Variants in NLRC3 observed in about 807,000 individuals in gnomAD.
NLRC3 encodes NLR family CARD domain containing 3.
NLRC3 carries 87 observed loss-of-function variants against 91.6 expected under a neutral mutation model. The observed-to-expected ratio is 0.95, with a 90% CI of 0.80 to 1.14. The LOEUF is 1.14. Ranked by LOEUF, NLRC3 falls within the 50% of genes most tolerant of loss-of-function variation. The probability of loss-of-function intolerance (pLI) is 0.00; values close to 1 mark genes in which losing one functional copy is unlikely to be tolerated. For synonymous variants in NLRC3, 694 were observed against 625.3 expected (o/e 1.11, Z -1.64); for missense variants, 1,577 against 1,418.6 (o/e 1.11, Z -1.79).
Position 3,548,220 on chromosome 16 carries a change from T to C in NLRC3, c.2688-2A>G, listed in dbSNP as rs1426663944. On this transcript the variant is annotated splice_acceptor_variant, in intron 14 of 19. Coordinates refer to ENST00000359128, the MANE Select transcript of NLRC3 (RefSeq NM_178844.4). LOFTEE classifies it high-confidence loss of function. ...GCCTGGATGAAGTTCCACTGCAGGC[T>C]GGGCAGACACAGACACATGTGACTA... 2 of 1,588,328 alleles carry C rather than the reference T, an allele frequency of 1.3e-6. No individual in the cohort carries two copies. The highest frequency in any genetic ancestry group is 1.7e-6 in the Non-Finnish European group (2 of 1,167,396).
chr16:3,549,595 C>T, intron 12 of NLRC3, 102 bp downstream of exon 12: 1 of 919,014 alleles, frequency 1.1e-6, no homozygotes, highest in Non-Finnish European at 1.7e-6. Context: ...AAGGCTTCCC[C>T]AGCCATAGAT....
At chr16:3,551,785 A>C (rs544598472) in intron 10 of NLRC3, among the ~76,000 whole-genome samples, 1 of 151,086 alleles carries the variant, frequency 6.6e-6, no homozygotes, top group East Asian at 2.0e-4. Flanking sequence ...CCATCCATCC[A>C]TCCACTCATT....
chr16:3,554,220 G>C (rs763288232), intron 9 of NLRC3, 22 bp downstream of exon 9: 20 of 1,559,296 alleles, frequency 1.3e-5, no homozygotes, highest in Non-Finnish European at 1.7e-5. Context: ...AGAAGGGGGA[G>C]AGAGGAGATG....
intron 17 of NLRC3, 97 bp from the exon 18 acceptor site, chr16:3,542,872 C>G (rs888856103): frequency 1.3e-6 from 1 of 759,288 alleles, no homozygotes; most frequent in African/African-American, 1.7e-5. Context: ...GTAGAGGAAA[C>G]AAGGACTTCA....
At position 3,575,214 on chromosome 16, in the gene NLRC3, C is replaced by G. The variant is rs555220287; in HGVS notation, c.-169+1935G>C. Among the ~76,000 whole-genome samples the G allele has an allele frequency of 3.6e-3, 545 of 152,226 alleles. 3 individuals carry two copies. The highest frequency in any genetic ancestry group is 0.012 in the African/African-American group (519 of 41,546). On this transcript the variant is annotated intron_variant, in intron 1 of 19. Coordinates refer to ENST00000359128, the MANE Select transcript of NLRC3 (RefSeq NM_178844.4). Reference sequence around the variant, plus strand: ...GAGGAGGGGGTGCAGGTGAACCAACCCCCCTGCCATTGCCAGCACCTCCCA... The same window carrying G: ...GAGGAGGGGGTGCAGGTGAACCAACGCCCCTGCCATTGCCAGCACCTCCCA...
chr16:3,555,004 T>C (rs948306200), intron 8 of NLRC3, among the ~76,000 whole-genome samples: 2 of 151,832 alleles, frequency 1.3e-5, no homozygotes, highest in Non-Finnish European at 2.9e-5. Context: ...CCGAGGTGGG[T>C]GGATCACTTG....
intron 1 of NLRC3, among the ~76,000 whole-genome samples, chr16:3,571,403 G>A (rs2040091507): frequency 6.6e-6 from 1 of 151,360 alleles, no homozygotes; most frequent in African/African-American, 2.4e-5. Context: ...AAAATAGATG[G>A]GGCTGGTGGT....
In NLRC3 at chr16:3,541,836, C is replaced by T; in HGVS notation, c.3187G>A (p.Val1063Ile). The T allele has an allele frequency of 6.2e-7, 1 of 1,608,698 alleles. No individual in the cohort carries two copies. Among genetic ancestry groups the T allele is most frequent in the Non-Finnish European group, 8.5e-7 (1 of 1,175,548 alleles). The change falls in exon 20 of 20, where the codon GTT becomes ATT. Residue 1063 changes from valine (V) to isoleucine (I), a missense_variant. By Grantham distance (29) the Val-to-Ile change is conservative. Coordinates refer to ENST00000359128, the MANE Select transcript of NLRC3 (RefSeq NM_178844.4). ...AIKTNAPTCT[V>I]EM is the part of the protein sequence containing the mutation. ...TCCGTCCACCAGGATCACATTTCAA[C>T]AGTGCACGTGGGAGCATTTGTCTTG...
intron 5 of NLRC3, 167 bp downstream of exon 5, chr16:3,562,842 C>T: frequency 1.4e-6 from 1 of 731,870 alleles, no homozygotes; most frequent in Non-Finnish European, 2.4e-6. Context: ...TTCTGGCCTC[C>T]AGAACTGCGA....
At chr16:3,560,616 G>T (rs1046458810) in intron 6 of NLRC3, among the ~76,000 whole-genome samples, 1 of 152,134 alleles carries the variant, frequency 6.6e-6, no homozygotes, top group Admixed American at 6.5e-5. Flanking sequence ...GTGAACTTTT[G>T]TCTAATTACA....
Position 3,577,265 on chromosome 16 carries a change from T to C in NLRC3, c.-285A>G. Reference sequence around the variant, plus strand: ...TGCGTGGTGGTAGATGCCCTGGGAATCCCTGTGCCAGCCTGAGTTCTCAGG... The same window carrying C: ...TGCGTGGTGGTAGATGCCCTGGGAACCCCTGTGCCAGCCTGAGTTCTCAGG... On this transcript the variant is annotated 5_prime_UTR_variant, in exon 1 of 20. Transcript: ENST00000359128. The C allele has an allele frequency of 1.4e-6, 1 of 698,902 alleles. No homozygotes were observed. 43.3% of individuals were successfully genotyped at this position (698,902 alleles called of 1,614,324 possible).
At chr16:3,542,128 C>T in intron 19 of NLRC3, 63 bp downstream of exon 19, 3 of 1,229,964 alleles carry the variant, frequency 2.4e-6, no homozygotes, top group Non-Finnish European at 3.5e-6. Flanking sequence ...CAGAACTGGG[C>T]AAAAGGCAGT....
At chr16:3,573,007 A>G (rs1034308891) in intron 1 of NLRC3, among the ~76,000 whole-genome samples, 4 of 126,134 alleles carry the variant, frequency 3.2e-5, no homozygotes, top group African/African-American at 1.2e-4. Context: ...GCAAGACTCT[A>G]TCTCAAAAAA....
Position 3,563,876 on chromosome 16 carries a change from A to C in NLRC3, c.1061T>G (p.Leu354Arg), listed in dbSNP as rs1428964602. ...CTCGCACAGGGTCCTCGGGGGCCAC[A>C]GCTCTGCATCCTGGGGCCCCGTCCT... Reference protein sequence around the residue: ...RSRTGPQDAELWPPRTLCELY... With the variant: ...RSRTGPQDAERWPPRTLCELY... The change falls in exon 5 of 20, where the codon CTG becomes CGG. Residue 354 changes from leucine (L) to arginine (R), a missense_variant. Leu to Arg is a moderately radical substitution (Grantham distance 102). Transcript: ENST00000359128. The C allele has an allele frequency of 6.2e-7, 1 of 1,601,458 alleles. No individual in the cohort carries two copies. The highest frequency in any genetic ancestry group is 8.5e-7 in the Non-Finnish European group (1 of 1,174,106).
rs149638359 is a variant in NLRC3, at chr16:3,557,376, C to T, written c.2099+217G>A. On this transcript the variant is annotated intron_variant, in intron 7 of 19. Coordinates refer to ENST00000359128, the MANE Select transcript of NLRC3 (RefSeq NM_178844.4). ...GAAGGCATGTGCGCTAAGGTGTGGC[C>T]TCCCTGTGTCTTATTCCCACAGGAG... is the stretch of plus-strand genomic sequence containing the variant. Among the ~76,000 whole-genome samples, 17 of 152,334 alleles carry T rather than the reference C, an allele frequency of 1.1e-4. No homozygotes were observed. In the East Asian group the frequency reaches 1.7e-3, roughly 16 times the overall value.
chr16:3,560,353 G>A (rs2039549769), intron 6 of NLRC3, among the ~76,000 whole-genome samples: 1 of 152,066 alleles, frequency 6.6e-6, no homozygotes, highest in South Asian at 2.1e-4. Flanking sequence ...AACCCGGGAG[G>A]CGGAGTCTGC....
In NLRC3 at chr16:3,544,348, C is replaced by G. The variant is rs548885707; in HGVS notation, c.2772-19G>C. ...CTGTAAACTAGACACAGAGTATGAC[C>G]CCTTTGGGTGCACGGGGCACAGGGA... is the stretch of plus-strand genomic sequence containing the variant. On this transcript the variant is annotated intron_variant, in intron 15 of 19. Coordinates refer to ENST00000359128, the MANE Select transcript of NLRC3 (RefSeq NM_178844.4). 2 of 1,585,106 alleles carry G rather than the reference C, an allele frequency of 1.3e-6. No homozygotes were observed. The highest frequency in any genetic ancestry group is 1.3e-5 in the African/African-American group (1 of 74,428).
intron 6 of NLRC3, 57 bp downstream of exon 6, chr16:3,561,644 AG>A: frequency 8.6e-7 from 1 of 1,168,492 alleles, no homozygotes; most frequent in Non-Finnish European, 1.3e-6. Context: ...TGATGGGAAG[AG>A]GGTTCCATAC....
intron 3 of NLRC3, 52 bp from the exon 4 acceptor site, chr16:3,565,112 C>T (rs1225297434): frequency 7.0e-7 from 1 of 1,434,426 alleles, no homozygotes; most frequent in South Asian, 1.2e-5. Context: ...CATCCAGCAG[C>T]CTGGGACAGG....
Sources: allele counts gnomAD v4.1 joint callset (sites outside exome capture counted in the v4.1 genomes callset), GRCh38; gene constraint gnomAD v4.1.1; transcripts MANE v1.5; gene names NCBI Gene and HGNC (gene_info 2026-07-23, HGNC 2026-07-21).